OR51B5: variants seen among roughly 807,000 people sequenced by gnomAD.
OR51B5 encodes olfactory receptor 51B5.
For missense variants in OR51B5, 456 were observed against 374.6 expected, an observed-to-expected ratio of 1.22 and a Z score of -1.79; for synonymous variants, 186 against 144.8, an observed-to-expected ratio of 1.28 and a Z score of -2.04.
intron 1 of OR51B5, among the ~76,000 whole-genome samples, chr11:5,372,106 A>G (rs1849456913): frequency 1.3e-5 from 2 of 152,166 alleles, no homozygotes; most frequent in Non-Finnish European, 2.9e-5. Flanking sequence ...TCATACATAC[A>G]TATGACATAT....
intron 1 of OR51B5, chr11:5,441,546 A>T: frequency 6.5e-7 from 1 of 1,535,346 alleles, no homozygotes; most frequent in Non-Finnish European, 8.9e-7. Context: ...AATGGACCCA[A>T]GAGGGTGTGT....
intron 1 of OR51B5, among the ~76,000 whole-genome samples, chr11:5,388,632 G>A (rs1849740134): frequency 6.7e-6 from 1 of 150,200 alleles, no homozygotes; most frequent in African/African-American, 2.5e-5. Context: ...AAGAAAATAG[G>A]ATATACACGG....
chr11:5,360,479 A>G (rs1849266296), intron 1 of OR51B5, among the ~76,000 whole-genome samples: 1 of 151,002 alleles, frequency 6.6e-6, no homozygotes, highest in Admixed American at 6.6e-5. Flanking sequence ...ATCATTAAAA[A>G]GTCAGGAAAC....
intron 1 of OR51B5, among the ~76,000 whole-genome samples, chr11:5,382,734 C>T (rs1361259508): frequency 6.6e-6 from 1 of 152,160 alleles, no homozygotes. Flanking sequence ...TGCATCTTGT[C>T]CTATCACCCT....
At chr11:5,383,414 G>C (rs567977180) in intron 1 of OR51B5, among the ~76,000 whole-genome samples, 93 of 152,302 alleles carry the variant, frequency 6.1e-4, no homozygotes, top group Non-Finnish European at 1.2e-3. Flanking sequence ...GGTGATTGTG[G>C]TGCTTCAAGG....
intron 1 of OR51B5, among the ~76,000 whole-genome samples, chr11:5,410,593 G>C (rs2133749722): frequency 6.6e-6 from 1 of 152,184 alleles, no homozygotes; most frequent in African/African-American, 2.4e-5. Flanking sequence ...TTATTTGAGA[G>C]AGTATTTCTT....
intron 1 of OR51B5, among the ~76,000 whole-genome samples, chr11:5,397,247 T>C (rs11037223): frequency 0.38 from 57,862 of 151,998 alleles, 12,724 homozygotes; most frequent in Non-Finnish European, 0.5. Flanking sequence ...CAAAAGAAAC[T>C]ACCATCAGAG....
At chr11:5,418,270 G>A (rs963681806) in intron 1 of OR51B5, among the ~76,000 whole-genome samples, 71 of 152,180 alleles carry the variant, frequency 4.7e-4, no homozygotes, top group African/African-American at 1.7e-3. Context: ...TGCGGGGAGG[G>A]GGTAGGGATA....
At chr11:5,408,243 A>T (rs1850089713) in intron 1 of OR51B5, among the ~76,000 whole-genome samples, 1 of 151,980 alleles carries the variant, frequency 6.6e-6, no homozygotes, top group African/African-American at 2.4e-5. Context: ...TCATCCTTTA[A>T]TTTTATCCCA....
At chr11:5,475,869 C>T (rs759483796) in intron 1 of OR51B5, among the ~76,000 whole-genome samples, 1 of 151,800 alleles carries the variant, frequency 6.6e-6, no homozygotes, top group Admixed American at 6.6e-5. Flanking sequence ...TGGTAGGGTA[C>T]ATGTGACTAG....
intron 1 of OR51B5, chr11:5,392,382 A>G (rs957010770): frequency 2.6e-5 from 4 of 152,230 alleles, no homozygotes; most frequent in African/African-American, 9.6e-5. Context: ...TTCCTATTCT[A>G]TAGATCTCAT....
chr11:5,426,983 G>A (rs866933714), intron 1 of OR51B5, among the ~76,000 whole-genome samples: 9 of 148,688 alleles, frequency 6.1e-5, no homozygotes, highest in African/African-American at 2.2e-4. Context: ...TTATCTGCAC[G>A]ATGAGACAAC....
At chr11:5,486,618 A>C (rs563095336) in intron 1 of OR51B5, among the ~76,000 whole-genome samples, 102 of 152,204 alleles carry the variant, frequency 6.7e-4, no homozygotes, top group Non-Finnish European at 1.2e-3. Context: ...CACAATGGGC[A>C]TCCCCGCCCC....
At chr11:5,422,256 T>C (rs780370473) in intron 1 of OR51B5, 7 of 1,614,044 alleles carry the variant, frequency 4.3e-6, no homozygotes, top group Non-Finnish European at 5.9e-6. Flanking sequence ...CTCACGGACA[T>C]CCCTGGATTT....
intron 1 of OR51B5, among the ~76,000 whole-genome samples, chr11:5,479,119 G>A (rs1322035895): frequency 1.3e-5 from 2 of 149,390 alleles, no homozygotes; most frequent in Non-Finnish European, 3.0e-5. Flanking sequence ...GAGAAAGGTC[G>A]GGTTACCCTC....
At chr11:5,369,951 A>T (rs1288127407) in intron 1 of OR51B5, among the ~76,000 whole-genome samples, 3 of 152,194 alleles carry the variant, frequency 2.0e-5, no homozygotes, top group African/African-American at 7.2e-5. Context: ...TTTTTACTCA[A>T]GGAAAGGCAG....
chr11:5,349,476 T>C (rs1465856630), intron 1 of OR51B5, among the ~76,000 whole-genome samples: 1 of 152,162 alleles, frequency 6.6e-6, no homozygotes, highest in East Asian at 1.9e-4. Context: ...TAATGTTCTG[T>C]ATTATCTTTT....
At chr11:5,453,843 A>G in intron 1 of OR51B5, 1 of 1,614,122 alleles carries the variant, frequency 6.2e-7, no homozygotes, top group Non-Finnish European at 8.5e-7. Context: ...GCTGGCCATG[A>G]GTTTTGACCG....
intron 1 of OR51B5, among the ~76,000 whole-genome samples, chr11:5,379,929 A>G (rs1301289146): frequency 1.3e-5 from 2 of 152,044 alleles, no homozygotes; most frequent in African/African-American, 4.8e-5. Flanking sequence ...GACCTTTATC[A>G]GATGCAACCG....
Sources: allele counts gnomAD v4.1 joint callset (sites outside exome capture counted in the v4.1 genomes callset), GRCh38; gene constraint gnomAD v4.1.1; transcripts MANE v1.5; gene names NCBI Gene and HGNC (gene_info 2026-07-23, HGNC 2026-07-21).